The following CATSPERB variants were observed in gnomAD, a reference collection of about 807,000 sequenced individuals.
CATSPERB encodes catsper channel auxiliary subunit beta, also known as cation channel sperm-associated auxiliary subunit beta.
In CATSPERB, 93 loss-of-function variants were observed where a neutral mutation model predicts 128.3. That is an observed-to-expected ratio of 0.72 (90% CI 0.61 to 0.86). The LOEUF is 0.86. Among genes scored for constraint, CATSPERB ranks in the 40% least tolerant of loss-of-function variants. CATSPERB has a pLI of 0.00. For missense variants in CATSPERB, 1,153 were observed against 1,329.5 expected (o/e 0.87, Z 2.06); for synonymous variants, 381 against 448.8 (o/e 0.85, Z 1.91).
chr14:91,616,335 T>TA (rs899210726), intron 20 of CATSPERB, among the ~76,000 whole-genome samples: 30 of 151,196 alleles, frequency 2.0e-4, no homozygotes, highest in East Asian at 3.9e-4. Context: ...TGATTTACAA[T>TA]AAAAAAAAAG....
Position 91,633,807 on chromosome 14 carries a change from A to G in CATSPERB, c.1742+2618T>C, listed in dbSNP as rs185391919. Reference sequence around the variant, plus strand: ...AAATGATAAAGGGTTTAAGAAAACTATGAAATGCTTAAATATATATATATA... The same window carrying G: ...AAATGATAAAGGGTTTAAGAAAACTGTGAAATGCTTAAATATATATATATA... On this transcript the variant is annotated intron_variant, in intron 17 of 26. Coordinates refer to ENST00000256343, the MANE Select transcript of CATSPERB (RefSeq NM_024764.4). 3.1e-4 allele frequency among the ~76,000 whole-genome samples: 47 copies of G among 152,092 alleles called. No homozygotes were observed. The East Asian group carries it at 6.4e-3, about 21-fold the overall frequency.
intron 9 of CATSPERB, among the ~76,000 whole-genome samples, chr14:91,692,227 C>T (rs555404732): frequency 5.3e-5 from 8 of 151,684 alleles, no homozygotes; most frequent in African/African-American, 1.7e-4. Flanking sequence ...GCAAGTCTGC[C>T]GCCCATTTGG....
At chr14:91,652,761 T>C (rs1439892393) in intron 15 of CATSPERB, among the ~76,000 whole-genome samples, 2 of 150,676 alleles carry the variant, frequency 1.3e-5, no homozygotes, top group African/African-American at 4.9e-5. Flanking sequence ...CGTTCAACAT[T>C]GTGCTCCTAA....
At chr14:91,624,072 G>C (rs1000317332) in intron 18 of CATSPERB, among the ~76,000 whole-genome samples, 1 of 152,170 alleles carries the variant, frequency 6.6e-6, no homozygotes, top group Middle Eastern at 3.2e-3. Context: ...CTTGGGCAGA[G>C]TGTGGTGGCT....
At chr14:91,717,884 C>T (rs1895969132) in intron 5 of CATSPERB, among the ~76,000 whole-genome samples, 1 of 152,164 alleles carries the variant, frequency 6.6e-6, no homozygotes, top group Admixed American at 6.5e-5. Context: ...CTACATAAAC[C>T]ATCCCCTCCT....
chr14:91,598,164 A>C (rs751655246), intron 22 of CATSPERB, among the ~76,000 whole-genome samples: 6 of 151,652 alleles, frequency 4.0e-5, no homozygotes, highest in Non-Finnish European at 7.4e-5. Context: ...ATTTCTTTTT[A>C]AGCTTTTTTA....
At chr14:91,638,946 T>C (rs922575610) in intron 16 of CATSPERB, 150 bp downstream of exon 16, 4 of 631,890 alleles carry the variant, frequency 6.3e-6, no homozygotes, top group Admixed American at 6.1e-5. Context: ...TTGTGGCACA[T>C]GGAGGTTCTT....
chr14:91,637,835 A>G (rs1196118492), intron 16 of CATSPERB, among the ~76,000 whole-genome samples: 1 of 151,978 alleles, frequency 6.6e-6, no homozygotes, highest in Non-Finnish European at 1.5e-5. Flanking sequence ...CACATAAGGG[A>G]ACTAAGAAAC....
intron 5 of CATSPERB, among the ~76,000 whole-genome samples, chr14:91,708,564 A>G (rs996941013): frequency 2.6e-5 from 4 of 152,218 alleles, no homozygotes; most frequent in African/African-American, 7.2e-5. Flanking sequence ...ATTAAAATGT[A>G]TCATACAAAC....
intron 4 of CATSPERB, among the ~76,000 whole-genome samples, chr14:91,720,216 A>G (rs921561041): frequency 1.3e-5 from 2 of 152,056 alleles, no homozygotes; most frequent in African/African-American, 2.4e-5. Context: ...CGTAAAATTA[A>G]CAGCTGACTT....
At chr14:91,683,324 G>A (rs1418004007) in intron 11 of CATSPERB, among the ~76,000 whole-genome samples, 1 of 152,142 alleles carries the variant, frequency 6.6e-6, no homozygotes. Flanking sequence ...TAGCCAGATC[G>A]ACTATGCCAC....
chr14:91,644,231 G>T (rs1894549552), intron 15 of CATSPERB, among the ~76,000 whole-genome samples: 1 of 117,674 alleles, frequency 8.5e-6, no homozygotes, highest in Non-Finnish European at 1.8e-5. Context: ...ATATTGTTAT[G>T]TGTGAATTTG....
At chr14:91,659,631 A>C (rs972583146) in intron 15 of CATSPERB, among the ~76,000 whole-genome samples, 6 of 152,216 alleles carry the variant, frequency 3.9e-5, no homozygotes, top group African/African-American at 1.4e-4. Flanking sequence ...TATCTCTGAA[A>C]TGGTAAATGA....
At chr14:91,590,121 G>A (rs1011448765) in intron 23 of CATSPERB, among the ~76,000 whole-genome samples, 4 of 152,126 alleles carry the variant, frequency 2.6e-5, no homozygotes, top group African/African-American at 4.8e-5. Flanking sequence ...TCTGTGGCTC[G>A]AATTAAATGA....
chr14:91,726,396 A>G (rs953565478), intron 2 of CATSPERB, among the ~76,000 whole-genome samples: 1 of 152,190 alleles, frequency 6.6e-6, no homozygotes, highest in Non-Finnish European at 1.5e-5. Context: ...TTCGAGTGCC[A>G]GAACAGCCAC....
At chr14:91,710,328 TC>T (rs1441528533) in intron 5 of CATSPERB, 5 of 152,252 alleles carry the variant, frequency 3.3e-5, no homozygotes, top group African/African-American at 9.6e-5. Flanking sequence ...GTATTCAAAT[TC>T]TAATAGATAT....
intron 14 of CATSPERB, among the ~76,000 whole-genome samples, chr14:91,668,737 C>T (rs1442645373): frequency 2.6e-5 from 4 of 151,180 alleles, no homozygotes; most frequent in South Asian, 2.1e-4. Flanking sequence ...CAACTCTGGA[C>T]GTGCCACCTT....
intron 5 of CATSPERB, among the ~76,000 whole-genome samples, chr14:91,717,734 C>T (rs1402500639): frequency 2.0e-5 from 3 of 152,096 alleles, no homozygotes; most frequent in East Asian, 1.9e-4. Context: ...AATATATTCC[C>T]AAGATTTTAC....
intron 22 of CATSPERB, among the ~76,000 whole-genome samples, chr14:91,602,811 T>C (rs1035092839): frequency 1.5e-4 from 23 of 152,224 alleles, no homozygotes; most frequent in African/African-American, 5.5e-4. Flanking sequence ...CAAAATCATC[T>C]CCATCTTCAA....
Sources: gnomAD v4.1 joint callset for allele counts (sites outside exome capture counted in the v4.1 genomes callset) on GRCh38, gnomAD v4.1.1 for gene constraint, MANE v1.5 for transcripts, NCBI Gene and HGNC (gene_info 2026-07-23, HGNC 2026-07-21) for gene names.